Variants in POTEC observed in about 807,000 individuals in gnomAD.
The protein encoded by POTEC is ANKRD26-like family B member 2.
A neutral mutation model predicts 62.0 loss-of-function variants in POTEC; 35 were observed. The ratio of observed to expected loss-of-function variants is 0.56; its 90% confidence interval spans 0.43 to 0.75. POTEC has a LOEUF of 0.75. Ranked by LOEUF, POTEC falls within the 30% of genes least tolerant of loss-of-function variation. The pLI, the probability that POTEC is intolerant of heterozygous loss-of-function variation, is 0.00. For synonymous variants in POTEC, 156 were observed against 221.5 expected (o/e 0.70, Z 2.62); for missense variants, 472 against 655.9 (o/e 0.72, Z 3.06).
intron 6 of POTEC, among the ~76,000 whole-genome samples, chr18:14,527,230 C>T (rs931326250): frequency 2.0e-5 from 3 of 151,938 alleles, no homozygotes; most frequent in Admixed American, 6.6e-5. Context: ...CTAGCCTATA[C>T]AAAAAACACT....
At chr18:14,512,846 T>C (rs1598475630) in intron 10 of POTEC, among the ~76,000 whole-genome samples, 1 of 152,346 alleles carries the variant, frequency 6.6e-6, no homozygotes, top group South Asian at 2.1e-4. Context: ...ATGCTACTGC[T>C]AGTGATCCTC....
intron 3 of POTEC, among the ~76,000 whole-genome samples, chr18:14,535,288 AT>A (rs201944694): frequency 2.8e-5 from 4 of 141,254 alleles, no homozygotes; most frequent in Admixed American, 7.2e-5. Context: ...CTTTTGGATG[AT>A]TTTTTTTTTC....
intron 3 of POTEC, 64 bp from the exon 4 acceptor site, chr18:14,535,071 C>A: frequency 6.3e-7 from 1 of 1,590,030 alleles, no homozygotes; most frequent in Non-Finnish European, 8.6e-7. Flanking sequence ...CTCAACTGAA[C>A]TGGAAGCTTA....
chr18:14,512,949 C>T (rs1910047001), intron 10 of POTEC, among the ~76,000 whole-genome samples: 1 of 152,240 alleles, frequency 6.6e-6, no homozygotes, highest in East Asian at 1.9e-4. Flanking sequence ...ATATAACTTA[C>T]AAGGCTTTTC....
intron 1 of POTEC, among the ~76,000 whole-genome samples, chr18:14,539,880 G>A (rs576506864): frequency 6.6e-6 from 1 of 152,222 alleles, no homozygotes; most frequent in African/African-American, 2.4e-5. Flanking sequence ...AAGGTGGAAG[G>A]ATCCTGAGAG....
At chr18:14,536,355 T>C (rs1459206900) in intron 3 of POTEC, among the ~76,000 whole-genome samples, 1 of 151,194 alleles carries the variant, frequency 6.6e-6, no homozygotes, top group African/African-American at 2.4e-5. Flanking sequence ...ATTACACTTA[T>C]GTATTCAGTG....
At chr18:14,532,191 G>T (rs1029235359) in intron 5 of POTEC, among the ~76,000 whole-genome samples, 7 of 151,998 alleles carry the variant, frequency 4.6e-5, no homozygotes, top group Non-Finnish European at 7.4e-5. Flanking sequence ...CCTCATATCT[G>T]CTAGAGAAAA....
intron 6 of POTEC, among the ~76,000 whole-genome samples, 157 bp downstream of exon 6, chr18:14,530,326 A>G (rs530743542): frequency 1.3e-5 from 2 of 152,252 alleles, no homozygotes; most frequent in East Asian, 3.9e-4. Context: ...TAATAATAAT[A>G]TAAAGTAGCA....
intron 3 of POTEC, among the ~76,000 whole-genome samples, chr18:14,535,986 G>A (rs946708330): frequency 1.3e-5 from 2 of 151,860 alleles, no homozygotes; most frequent in African/African-American, 4.8e-5. Context: ...AGTCAGACTA[G>A]GCCAGGAATG....
At position 14,507,500 on chromosome 18, in the gene POTEC, G is replaced by A. The variant is rs1244883662; in HGVS notation, c.*4398C>T. 8.6e-5 allele frequency: 13 copies of A among 151,636 alleles called. No homozygotes were observed. Among genetic ancestry groups the A allele is most frequent in the African/African-American group, 2.2e-4 (9 of 41,226 alleles). 9.4% of individuals were successfully genotyped at this position (151,636 alleles called of 1,614,324 possible). A position where few individuals can be genotyped will look rare whatever the true frequency, so the allele number is the denominator to read the frequency against. On this transcript the variant is annotated 3_prime_UTR_variant, in exon 11 of 11. Coordinates refer to ENST00000358970, the MANE Select transcript of POTEC (RefSeq NM_001137671.2). ...CATGTGAGATGGGTTTCTTGAAGACGGCATACTCCAATGGGTCTTGGTTCT... is the reference window on the plus strand; with the variant it reads ...CATGTGAGATGGGTTTCTTGAAGACAGCATACTCCAATGGGTCTTGGTTCT...
chr18:14,513,983 T>C (rs1025708269), intron 9 of POTEC, among the ~76,000 whole-genome samples, 198 bp from the exon 10 acceptor site: 58 of 152,192 alleles, frequency 3.8e-4, no homozygotes, highest in Non-Finnish European at 6.5e-4. Context: ...GAAGATAATT[T>C]TTCCATGGAC....
At chr18:14,531,311 T>C (rs1905506090) in intron 5 of POTEC, among the ~76,000 whole-genome samples, 1 of 150,168 alleles carries the variant, frequency 6.7e-6, no homozygotes, top group Non-Finnish European at 1.5e-5. Context: ...TGTTAAGACC[T>C]GGCTTGGAGC....
In POTEC at chr18:14,538,124, C is replaced by A; in HGVS notation, c.636+11G>T. 1.3e-6 allele frequency: 2 copies of A among 1,594,366 alleles called. No individual in the cohort carries two copies. The highest frequency in any genetic ancestry group is 2.2e-5 in the East Asian group (1 of 44,534). ...ACCCATCTCACGCTGATATAGTTGA[C>A]TACTGCATACCTTTATCAGAGCTGT... On this transcript the variant is annotated intron_variant, in intron 2 of 10. Transcript: ENST00000358970.
At chr18:14,513,880 A>C in intron 9 of POTEC, 95 bp from the exon 10 acceptor site, 2 of 1,584,826 alleles carry the variant, frequency 1.3e-6, no homozygotes, top group East Asian at 2.2e-5. Flanking sequence ...CACACAATGC[A>C]TATCTGCACA....
chr18:14,528,525 T>C (rs1347244780), intron 6 of POTEC, among the ~76,000 whole-genome samples: 1 of 152,036 alleles, frequency 6.6e-6, no homozygotes, highest in Non-Finnish European at 1.5e-5. Flanking sequence ...AAAAGACACA[T>C]GTGAAGAAAA....
intron 9 of POTEC, among the ~76,000 whole-genome samples, chr18:14,515,160 A>G (rs1910113367): frequency 6.6e-6 from 1 of 152,168 alleles, no homozygotes; most frequent in African/African-American, 2.4e-5. Context: ...TACAGTTTCT[A>G]CCAAAGTACC....
At chr18:14,515,814 A>C (rs1482861715) in intron 9 of POTEC, among the ~76,000 whole-genome samples, 2 of 151,640 alleles carry the variant, frequency 1.3e-5, no homozygotes, top group African/African-American at 4.8e-5. Flanking sequence ...CCAGAAACTC[A>C]AACAAATCAG....
chr18:14,530,612 T>C (rs1905477472), intron 5 of POTEC, 59 bp from the exon 6 acceptor site: 1 of 1,260,508 alleles, frequency 7.9e-7, no homozygotes, highest in African/African-American at 1.5e-5. Flanking sequence ...AAAAAATACT[T>C]ACCAAATGTA....
intron 3 of POTEC, among the ~76,000 whole-genome samples, chr18:14,536,398 T>TTTG (rs1039536089): frequency 1.3e-4 from 19 of 151,532 alleles, no homozygotes; most frequent in African/African-American, 2.9e-4. Context: ...TTTTGAGAAA[T>TTTG]TTGTTGTTGT....
Sources: allele counts gnomAD v4.1 joint callset (sites outside exome capture counted in the v4.1 genomes callset), GRCh38; gene constraint gnomAD v4.1.1; transcripts MANE v1.5; gene names NCBI Gene and HGNC (gene_info 2026-07-23, HGNC 2026-07-21).